Variants in WDFY3 observed in about 807,000 individuals in gnomAD.
WDFY3 encodes WD repeat and FYVE domain-containing protein 3.
WDFY3 carries 66 observed loss-of-function variants against 409.6 expected under a neutral mutation model. That is an observed-to-expected ratio of 0.16 (90% CI 0.13 to 0.20). The LOEUF is 0.20. Among genes scored for constraint, WDFY3 ranks in the 10% least tolerant of loss-of-function variants. The pLI is 1.00. For synonymous variants in WDFY3, 1,521 were observed against 1,537.1 expected (o/e 0.99, Z 0.25); for missense variants, 3,031 against 4,298.1 (o/e 0.71, Z 8.24).
chr4:84,935,554 T>A (rs1771304602), intron 1 of WDFY3, among the ~76,000 whole-genome samples: 1 of 152,160 alleles, frequency 6.6e-6, no homozygotes, highest in Admixed American at 6.5e-5. Flanking sequence ...CTGACTTATT[T>A]GCCATTTTCA....
intron 1 of WDFY3, among the ~76,000 whole-genome samples, chr4:84,933,623 ATTCT>A (rs1460559690): frequency 1.3e-5 from 2 of 151,988 alleles, no homozygotes; most frequent in African/African-American, 2.4e-5. Flanking sequence ...GATCTTATAC[ATTCT>A]TTCTAACTAT....
At chr4:84,946,150 G>C (rs1772800526) in intron 1 of WDFY3, among the ~76,000 whole-genome samples, 1 of 152,164 alleles carries the variant, frequency 6.6e-6, no homozygotes, top group South Asian at 2.1e-4. Flanking sequence ...ATGAAGGACT[G>C]AGTTAGCTTC....
intron 3 of WDFY3, among the ~76,000 whole-genome samples, chr4:84,880,283 C>A (rs146304087): frequency 7.6e-4 from 116 of 152,162 alleles, no homozygotes; most frequent in African/African-American, 2.6e-3. Context: ...CCTGCAAGAC[C>A]AGTTTTGGAC....
At chr4:84,964,334 T>C (rs531242105) in intron 1 of WDFY3, among the ~76,000 whole-genome samples, 69 of 152,266 alleles carry the variant, frequency 4.5e-4, no homozygotes, top group African/African-American at 1.5e-3. Flanking sequence ...ACAGGCATGG[T>C]GGCATGCACA....
intron 1 of WDFY3, among the ~76,000 whole-genome samples, chr4:84,961,074 G>C: frequency 6.6e-6 from 1 of 152,134 alleles, no homozygotes; most frequent in African/African-American, 2.4e-5. Context: ...AATTAGCCGG[G>C]CGTGGTGGCG....
At chr4:84,796,837 T>C (rs1749532938) in intron 18 of WDFY3, 85 bp from the exon 19 acceptor site, 17 of 1,128,602 alleles carry the variant, frequency 1.5e-5, no homozygotes, top group Non-Finnish European at 2.2e-5. Context: ...TAAATACCAC[T>C]TCAGTTTCAA....
At chr4:84,773,035 CTT>C (rs371430227) in intron 29 of WDFY3, 106 bp from the exon 30 acceptor site, 456 of 587,578 alleles carry the variant, frequency 7.8e-4, no homozygotes, top group Middle Eastern at 1.6e-3. Flanking sequence ...CAAAACAGTA[CTT>C]TTTTTTTTTT....
intron 10 of WDFY3, among the ~76,000 whole-genome samples, chr4:84,822,181 G>A (rs907645887): frequency 6.6e-6 from 1 of 152,118 alleles, no homozygotes; most frequent in African/African-American, 2.4e-5. Context: ...TGGCTCTGGT[G>A]AGGCAAATTA....
chr4:84,780,890 C>A (rs992993681), intron 25 of WDFY3, among the ~76,000 whole-genome samples: 2 of 152,120 alleles, frequency 1.3e-5, no homozygotes, highest in Non-Finnish European at 2.9e-5. Flanking sequence ...GGCTTTACAG[C>A]AAGCACAAAT....
intron 3 of WDFY3, among the ~76,000 whole-genome samples, chr4:84,882,856 G>A (rs1006426049): frequency 6.6e-6 from 1 of 151,986 alleles, no homozygotes; most frequent in Non-Finnish European, 1.5e-5. Context: ...TGGGACTACA[G>A]GTATGCACAT....
chr4:84,817,270 T>G, intron 13 of WDFY3, 122 bp downstream of exon 13: 1 of 1,222,892 alleles, frequency 8.2e-7, no homozygotes, highest in Non-Finnish European at 1.2e-6. Context: ...TACAAAGTTG[T>G]GAGGTTTCTT....
rs114258923 is a variant in WDFY3, at chr4:84,892,227, C to T, written c.-32+4684G>A. ...AACATAGCGTCACAATCAACATCCT[C>T]CATTACATATATATATATTTTTAAG... On this transcript the variant is annotated intron_variant, in intron 3 of 67. Transcript: ENST00000295888. Among the ~76,000 whole-genome samples, 1,099 of 151,782 alleles carry T rather than the reference C, an allele frequency of 7.2e-3. 12 individuals carry two copies. Among genetic ancestry groups the T allele is most frequent in the African/African-American group, 0.025 (1,053 of 41,440 alleles).
intron 30 of WDFY3, among the ~76,000 whole-genome samples, chr4:84,770,364 GCA>G (rs1744459777): frequency 6.6e-6 from 1 of 152,112 alleles, no homozygotes; most frequent in Non-Finnish European, 1.5e-5. Flanking sequence ...CAATGCTACT[GCA>G]CAGATAGTAG....
chr4:84,953,284 C>A (rs751005561), intron 1 of WDFY3, among the ~76,000 whole-genome samples: 1 of 150,904 alleles, frequency 6.6e-6, no homozygotes, highest in Non-Finnish European at 1.5e-5. Flanking sequence ...TTATGAGGGT[C>A]ACGGTTGCGC....
At chr4:84,701,425 T>C (rs1456854918) in intron 56 of WDFY3, among the ~76,000 whole-genome samples, 1 of 152,230 alleles carries the variant, frequency 6.6e-6, no homozygotes. Context: ...ATCTTTCATA[T>C]GTATAGGATA....
intron 3 of WDFY3, among the ~76,000 whole-genome samples, chr4:84,893,442 A>T (rs1045486480): frequency 3.9e-5 from 6 of 152,110 alleles, no homozygotes; most frequent in Non-Finnish European, 5.9e-5. Flanking sequence ...AAGTTAAAAG[A>T]TTTCTTCCCT....
intron 26 of WDFY3, among the ~76,000 whole-genome samples, chr4:84,778,896 C>A (rs1746023412): frequency 6.6e-6 from 1 of 151,978 alleles, no homozygotes; most frequent in South Asian, 2.1e-4. Context: ...ATTAAAATAT[C>A]CACTTTTACA....
intron 47 of WDFY3, among the ~76,000 whole-genome samples, chr4:84,719,269 T>C (rs866055129): frequency 3.3e-5 from 5 of 152,204 alleles, no homozygotes; most frequent in Admixed American, 6.5e-5. Flanking sequence ...ACTACTGTAC[T>C]ATTGCAAAAA....
intron 60 of WDFY3, among the ~76,000 whole-genome samples, chr4:84,691,100 G>A (rs888788397): frequency 1.3e-5 from 2 of 152,156 alleles, no homozygotes; most frequent in East Asian, 1.9e-4. Flanking sequence ...GATTCTTTTC[G>A]TCTTGCATTT....
Sources: allele counts gnomAD v4.1 joint callset (sites outside exome capture counted in the v4.1 genomes callset), GRCh38; gene constraint gnomAD v4.1.1; transcripts MANE v1.5; gene names NCBI Gene and HGNC (gene_info 2026-07-23, HGNC 2026-07-21).